TENM3: variants seen among roughly 807,000 people sequenced by gnomAD.
The protein encoded by TENM3 is teneurin-3.
In TENM3, 63 loss-of-function variants were observed where a neutral mutation model predicts 255.1. That is an observed-to-expected ratio of 0.25 (90% CI 0.20 to 0.30). The LOEUF is 0.30. TENM3 is among the 10% of genes least tolerant of loss of function. TENM3 has a pLI of 1.00. For synonymous variants in TENM3, 1,306 were observed against 1,322.3 expected (o/e 0.99, Z 0.27); for missense variants, 2,929 against 3,461.1 (o/e 0.85, Z 3.86).
At chr4:181,979,366 T>A in the TENM3 span, among the ~76,000 whole-genome samples, 2 of 151,914 alleles carry the variant, frequency 1.3e-5, no homozygotes, top group African/African-American at 4.8e-5. Flanking sequence ...CAAGTCCTGT[T>A]ATAGCTCTAC....
intron 1 of TENM3, among the ~76,000 whole-genome samples, chr4:182,193,925 T>C (rs1480994022): frequency 6.6e-6 from 1 of 152,182 alleles, no homozygotes; most frequent in African/African-American, 2.4e-5. Flanking sequence ...TTTTCAGAGT[T>C]CAGTATTATT....
the TENM3 span, among the ~76,000 whole-genome samples, chr4:181,813,084 G>A: frequency 2.5e-4 from 38 of 152,268 alleles, no homozygotes; most frequent in Non-Finnish European, 4.4e-4. Context: ...CACAGTTCTG[G>A]ATGCTGGCAA....
chr4:181,872,459 C>CCT, the TENM3 span, among the ~76,000 whole-genome samples: 4 of 151,918 alleles, frequency 2.6e-5, no homozygotes, highest in African/African-American at 9.7e-5. Flanking sequence ...TTTTCCTGAT[C>CCT]CTCCCCCTCC....
intron 3 of TENM3, among the ~76,000 whole-genome samples, chr4:182,550,823 C>T (rs75362451): frequency 0.011 from 1,679 of 152,086 alleles, 30 homozygotes; most frequent in African/African-American, 0.038. Context: ...TATCCTGAGG[C>T]GTTGGGATTG....
chr4:181,706,943 T>C, the TENM3 span, among the ~76,000 whole-genome samples: 9 of 152,322 alleles, frequency 5.9e-5, no homozygotes, highest in African/African-American at 2.2e-4. Flanking sequence ...CTCAGCCAGG[T>C]TGCCATCTCC....
the TENM3 span, among the ~76,000 whole-genome samples, chr4:182,075,695 A>G: frequency 5.3e-5 from 8 of 152,064 alleles, no homozygotes. Flanking sequence ...ATTGCTCTGG[A>G]CAAGAGCCAT....
At chr4:182,173,545 A>C (rs1370602807) in intron 1 of TENM3, among the ~76,000 whole-genome samples, 1 of 152,208 alleles carries the variant, frequency 6.6e-6, no homozygotes, top group Non-Finnish European at 1.5e-5. Flanking sequence ...GGAGTTTGGA[A>C]AAGTATCAAG....
intron 1 of TENM3, among the ~76,000 whole-genome samples, chr4:182,187,221 A>G (rs73871813): frequency 0.017 from 2,525 of 152,292 alleles, 62 homozygotes; most frequent in African/African-American, 0.058. Context: ...AAGAACAGAA[A>G]TCTTTTGAAG....
At chr4:181,755,434 T>C in the TENM3 span, among the ~76,000 whole-genome samples, 11 of 152,092 alleles carry the variant, frequency 7.2e-5, no homozygotes, top group African/African-American at 2.7e-4. Context: ...TAATTAAAAA[T>C]CTATTATACC....
chr4:182,433,064 T>C (rs899204671), intron 3 of TENM3, among the ~76,000 whole-genome samples: 2 of 152,032 alleles, frequency 1.3e-5, no homozygotes, highest in Non-Finnish European at 2.9e-5. Context: ...AAAACACAAA[T>C]AGAGGAAGGT....
chr4:182,550,940 G>C (rs1741937116), intron 3 of TENM3, among the ~76,000 whole-genome samples: 1 of 152,152 alleles, frequency 6.6e-6, no homozygotes, highest in Non-Finnish European at 1.5e-5. Flanking sequence ...AAAATCCTTG[G>C]CTGGGAGCAG....
Position 182,388,716 on chromosome 4 carries a change from A to T in TENM3, c.511+41787A>T, listed in dbSNP as rs770586845. 2.7e-4 allele frequency among the ~76,000 whole-genome samples: 41 copies of T among 151,404 alleles called. 1 individual carries two copies. Among genetic ancestry groups the T allele is most frequent in the Non-Finnish European group, 7.4e-5 (5 of 67,646 alleles). On this transcript the variant is annotated intron_variant, in intron 3 of 27. Transcript: ENST00000511685. The stretch of plus-strand genomic sequence containing the variant: ...AAATTTGCTATTGCTTTTGTGTATT[A>T]TCATGCTTTTGAATCTCAAATTTAG...
Position 182,270,148 on chromosome 4 carries a change from C to T in TENM3, c.-76+26672C>T, listed in dbSNP as rs146045600. On this transcript the variant is annotated intron_variant, in intron 1 of 27. Coordinates refer to ENST00000511685, the MANE Select transcript of TENM3 (RefSeq NM_001080477.4). ...GTTCTTGTTATGTAGACGAAGCCTC[C>T]GGGTAGCAGCCTTCAGAGAGAATAG... 1.5e-3 allele frequency among the ~76,000 whole-genome samples: 229 copies of T among 152,202 alleles called. 1 individual carries two copies. Among genetic ancestry groups the T allele is most frequent in the African/African-American group, 5.1e-3 (210 of 41,558 alleles).
the TENM3 span, among the ~76,000 whole-genome samples, chr4:182,129,925 A>G: frequency 6.6e-6 from 1 of 152,132 alleles, no homozygotes; most frequent in Non-Finnish European, 1.5e-5. Context: ...AGTATATGTG[A>G]GGGTATCTCC....
the TENM3 span, among the ~76,000 whole-genome samples, chr4:181,673,845 G>GGTGTGTGTATGTGT: frequency 2.2e-5 from 3 of 137,350 alleles, no homozygotes; most frequent in Non-Finnish European, 4.7e-5. Context: ...AGAAGTGTGT[G>GGTGTGTGTATGTGT]GTGTGTGTGT....
the TENM3 span, among the ~76,000 whole-genome samples, chr4:181,873,134 C>A: frequency 2.0e-5 from 3 of 151,922 alleles, no homozygotes; most frequent in Non-Finnish European, 4.4e-5. Context: ...GTGGCAAGAT[C>A]TCAGCTGACT....
intron 1 of TENM3, among the ~76,000 whole-genome samples, chr4:182,275,988 T>C (rs746777996): frequency 5.9e-5 from 9 of 152,030 alleles, no homozygotes; most frequent in Non-Finnish European, 1.2e-4. Context: ...TTTTAAGGTG[T>C]TATGTGTTAG....
intron 3 of TENM3, among the ~76,000 whole-genome samples, chr4:182,432,666 C>T (rs1213909748): frequency 2.0e-5 from 3 of 152,198 alleles, no homozygotes; most frequent in Non-Finnish European, 2.9e-5. Context: ...GAAGGATGCT[C>T]TTCCAGACAC....
At chr4:182,575,568 A>G (rs1172185765) in intron 3 of TENM3, among the ~76,000 whole-genome samples, 1 of 151,934 alleles carries the variant, frequency 6.6e-6, no homozygotes, top group Non-Finnish European at 1.5e-5. Context: ...CTTGAAGGAA[A>G]AAATGTGGTA....
Sources: allele counts gnomAD v4.1 joint callset (sites outside exome capture counted in the v4.1 genomes callset), GRCh38; gene constraint gnomAD v4.1.1; transcripts MANE v1.5; gene names NCBI Gene and HGNC (gene_info 2026-07-23, HGNC 2026-07-21).